The following KMT2E variants were observed in gnomAD, a reference collection of about 807,000 sequenced individuals.
KMT2E encodes the protein histone reader KMT2E.
A neutral mutation model predicts 184.6 loss-of-function variants in KMT2E; 30 were observed. The observed-to-expected ratio is 0.16, with a 90% confidence interval of 0.12 to 0.22. The LOEUF is 0.22. KMT2E is among the 10% of genes least tolerant of loss of function. KMT2E has a pLI of 1.00. For synonymous variants in KMT2E, 815 were observed against 776.5 expected (o/e 1.05, Z -0.82); for missense variants, 2,023 against 2,237.4 (o/e 0.90, Z 1.93).
At chr7:105,033,778 T>C (rs960333278) in intron 1 of KMT2E, among the ~76,000 whole-genome samples, 1 of 152,000 alleles carries the variant, frequency 6.6e-6, no homozygotes, top group African/African-American at 2.4e-5. Context: ...GGATTACAGG[T>C]GTGAGCTACT....
At chr7:105,090,653 CA>C (rs1470089645) in intron 14 of KMT2E, among the ~76,000 whole-genome samples, 2 of 152,172 alleles carry the variant, frequency 1.3e-5, no homozygotes, top group Non-Finnish European at 2.9e-5. Flanking sequence ...AAGCATGTCA[CA>C]ATAACAGCAA....
chr7:105,099,426 TAGA>T (rs1358503472), intron 15 of KMT2E, among the ~76,000 whole-genome samples: 5 of 152,352 alleles, frequency 3.3e-5, no homozygotes, highest in African/African-American at 1.2e-4. Flanking sequence ...TGATCAACTC[TAGA>T]AGATTATGAA....
At chr7:105,091,162 T>C in intron 14 of KMT2E, 54 bp from the exon 15 acceptor site, 1 of 775,716 alleles carries the variant, frequency 1.3e-6, no homozygotes, top group Non-Finnish European at 2.2e-6. Flanking sequence ...TTAATGTCAC[T>C]AGTTGTATAG....
intron 19 of KMT2E, 145 bp downstream of exon 19, chr7:105,106,148 AT>A: frequency 3.4e-6 from 3 of 870,960 alleles, no homozygotes; most frequent in South Asian, 3.7e-5. Context: ...TGTCCTCTGT[AT>A]TTTTTGGCTG....
At chr7:105,018,828 A>G (rs939977686) in intron 1 of KMT2E, among the ~76,000 whole-genome samples, 4 of 152,090 alleles carry the variant, frequency 2.6e-5, no homozygotes, top group African/African-American at 9.7e-5. Flanking sequence ...TTACCTACAA[A>G]TTTACTTAAC....
At chr7:105,058,687 T>C (rs1286495099) in intron 3 of KMT2E, among the ~76,000 whole-genome samples, 2 of 152,216 alleles carry the variant, frequency 1.3e-5, no homozygotes, top group African/African-American at 4.8e-5. Context: ...ATCTACAAAT[T>C]ATGGTGGTTT....
chr7:105,091,149 AGTTTAAT>A (rs1375767359), intron 14 of KMT2E, 60 bp from the exon 15 acceptor site: 4 of 700,168 alleles, frequency 5.7e-6, no homozygotes, highest in Non-Finnish European at 1.0e-5. Context: ...ACATTAAAAT[AGTTTAAT>A]GTCACTAGTT....
chr7:105,105,411 AATG>A, intron 17 of KMT2E, 25 bp from the exon 18 acceptor site: 3 of 1,524,824 alleles, frequency 2.0e-6, no homozygotes, highest in Non-Finnish European at 2.6e-6. Flanking sequence ...TTACATATAT[AATG>A]ATCCAATTTT....
At chr7:105,095,260 G>GT (rs1301014445) in intron 15 of KMT2E, among the ~76,000 whole-genome samples, 6 of 152,002 alleles carry the variant, frequency 3.9e-5, no homozygotes, top group Non-Finnish European at 8.8e-5. Flanking sequence ...GGTAATACAT[G>GT]TTTATATTTA....
At chr7:105,076,864 C>T (rs909058180) in intron 9 of KMT2E, 99 bp from the exon 10 acceptor site, 12 of 814,786 alleles carry the variant, frequency 1.5e-5, no homozygotes, top group African/African-American at 1.1e-4. Flanking sequence ...TATAGATTGC[C>T]GTTAATTTTG....
chr7:105,068,492 C>CGAACAGGCTA (rs1221959003), intron 6 of KMT2E, among the ~76,000 whole-genome samples: 1 of 151,370 alleles, frequency 6.6e-6, no homozygotes, highest in African/African-American at 2.4e-5. Context: ...CTCACATTGT[C>CGAACAGGCTA]GAACAGGCTA....
chr7:105,108,906 TAA>T (rs1388825517), intron 22 of KMT2E, 34 bp from the exon 23 acceptor site: 1 of 1,537,932 alleles, frequency 6.5e-7, no homozygotes, highest in Non-Finnish European at 8.8e-7. Flanking sequence ...AAAACAAGAA[TAA>T]AAGATTTGCT....
At chr7:105,073,491 G>C in intron 6 of KMT2E, 128 bp from the exon 7 acceptor site, 1 of 596,138 alleles carries the variant, frequency 1.7e-6, no homozygotes, top group Admixed American at 3.1e-5. Context: ...GTATTGCAAG[G>C]GATTTTGTAT....
chr7:105,092,667 T>TTATA (rs1332462393), intron 15 of KMT2E, among the ~76,000 whole-genome samples: 4 of 152,220 alleles, frequency 2.6e-5, no homozygotes, highest in African/African-American at 9.6e-5. Flanking sequence ...TGAGATTCAA[T>TTATA]TATATATAAG....
intron 12 of KMT2E, among the ~76,000 whole-genome samples, chr7:105,080,559 C>G (rs1443413400): frequency 6.6e-6 from 1 of 152,062 alleles, no homozygotes; most frequent in African/African-American, 2.4e-5. Flanking sequence ...TGGAACCAGA[C>G]TTAAATTTAT....
chr7:105,084,718 TACTGAGAGATGA>T (rs1402985740), intron 13 of KMT2E, among the ~76,000 whole-genome samples: 1 of 152,152 alleles, frequency 6.6e-6, no homozygotes, highest in Non-Finnish European at 1.5e-5. Flanking sequence ...ATACACAATT[TACTGAGAGATGA>T]ACTGCTCCTG....
intron 9 of KMT2E, 75 bp from the exon 10 acceptor site, chr7:105,076,868 AATTTTGTGTGTGTGTGTGTG>A: frequency 1.2e-6 from 1 of 804,394 alleles, no homozygotes; most frequent in Non-Finnish European, 2.0e-6. Flanking sequence ...GATTGCCGTT[AATTTTGTGTGTGTGTGTGTG>A]TGTGTGTGTG....
chr7:105,066,919 T>TGAGCCACCATGCCC, intron 6 of KMT2E, 112 bp downstream of exon 6: 2 of 772,770 alleles, frequency 2.6e-6, no homozygotes, highest in Non-Finnish European at 4.4e-6. Context: ...CAGCCGGGCA[T>TGAGCCACCATGCCC]GGTGGCTCAT....
At chr7:105,016,662 G>T (rs1232287238) in intron 1 of KMT2E, among the ~76,000 whole-genome samples, 1 of 152,172 alleles carries the variant, frequency 6.6e-6, no homozygotes, top group Non-Finnish European at 1.5e-5. Flanking sequence ...AGTGAGATGT[G>T]AGTGGGCCAT....
Sources: gnomAD v4.1 joint callset for allele counts (sites outside exome capture counted in the v4.1 genomes callset) on GRCh38, gnomAD v4.1.1 for gene constraint, MANE v1.5 for transcripts, NCBI Gene and HGNC (gene_info 2026-07-23, HGNC 2026-07-21) for gene names.